UBR3: variants seen among roughly 807,000 people sequenced by gnomAD.
UBR3 encodes E3 ubiquitin-protein ligase UBR3.
Under a neutral mutation model 243.2 loss-of-function variants are expected in UBR3, and 85 were observed. The observed-to-expected ratio is 0.35, with a 90% CI of 0.29 to 0.42. UBR3 has a LOEUF of 0.42. Among genes scored for constraint, UBR3 ranks in the 10% least tolerant of loss-of-function variants. UBR3 has a pLI of 1.00. For missense variants in UBR3, 1,686 were observed against 2,300.8 expected, an observed-to-expected ratio of 0.73 and a Z score of 5.47; for synonymous variants, 748 against 799.8, an observed-to-expected ratio of 0.94 and a Z score of 1.09.
chr2:170,051,282 T>C (rs377309967), intron 32 of UBR3, among the ~76,000 whole-genome samples: 2 of 152,296 alleles, frequency 1.3e-5, no homozygotes, highest in East Asian at 3.9e-4. Flanking sequence ...TTTTCTACAA[T>C]GAAAAGCTAA....
At chr2:170,061,231 A>T (rs769018289) in intron 34 of UBR3, 45 bp downstream of exon 34, 1 of 1,581,270 alleles carries the variant, frequency 6.3e-7, no homozygotes. Context: ...TTAGTAAAAA[A>T]TTTACATTTT....
chr2:169,991,197 A>G (rs188911687), intron 25 of UBR3, among the ~76,000 whole-genome samples: 20 of 152,320 alleles, frequency 1.3e-4, no homozygotes, highest in Non-Finnish European at 2.1e-4. Flanking sequence ...AGAGCCCCCA[A>G]TGTAGGAAGC....
chr2:169,957,933 T>TA (rs1362295469), intron 23 of UBR3, among the ~76,000 whole-genome samples: 1 of 152,192 alleles, frequency 6.6e-6, no homozygotes, highest in Non-Finnish European at 1.5e-5. Context: ...CGGGGAAACT[T>TA]ACTGGCTTCT....
At chr2:169,919,507 C>T (rs13011234) in intron 11 of UBR3, among the ~76,000 whole-genome samples, 63,177 of 151,622 alleles carry the variant, frequency 0.42, 14,892 homozygotes, top group Non-Finnish European at 0.54. Context: ...GAAGAAACTA[C>T]GATCAGAGTG....
chr2:170,067,586 C>T (rs748643081), intron 35 of UBR3, among the ~76,000 whole-genome samples: 8 of 151,990 alleles, frequency 5.3e-5, no homozygotes, highest in Non-Finnish European at 1.2e-4. Flanking sequence ...GAATATCGTT[C>T]ATTAGAATAA....
rs770737924 is a variant in UBR3 at position 170,040,891 on chromosome 2, T to C, written c.4566T>C (p.Tyr1522=). The C allele has an allele frequency of 1.1e-5, 18 of 1,613,174 alleles. No homozygotes were observed. Among genetic ancestry groups the C allele is most frequent in the Non-Finnish European group, 1.4e-5 (17 of 1,179,512 alleles). Reference sequence around the variant, plus strand: ...TACATTTTTCTTTTAGGCTGGGATATGAAGAACAACAGCCTGAGGTTCCAA... The same window carrying C: ...TACATTTTTCTTTTAGGCTGGGATACGAAGAACAACAGCCTGAGGTTCCAA... ...QLEEMNPQLG[Y]EEQQPEVPIL... The change falls in exon 32 of 39, where the codon TAT becomes TAC. Residue 1522 remains tyrosine, a synonymous_variant. Coordinates refer to ENST00000272793, the MANE Select transcript of UBR3 (RefSeq NM_172070.4).
chr2:169,869,216 GTTTTTTTTTTTT>G (rs11344991), intron 1 of UBR3, among the ~76,000 whole-genome samples: 1 of 56,198 alleles, frequency 1.8e-5, no homozygotes, highest in South Asian at 9.3e-4. Context: ...GATTGATAAG[GTTTTTTTTTTTT>G]TTTTTTTTTT....
Position 170,020,696 on chromosome 2 carries a change from A to G in UBR3, c.4453+5330A>G, listed in dbSNP as rs547407697. On this transcript the variant is annotated intron_variant, in intron 30 of 38. Coordinates refer to ENST00000272793, the MANE Select transcript of UBR3 (RefSeq NM_172070.4). ...ATACTCTAGGAACTTTTAGAATTATACTTTATCTACAGTCATACACTGTAG... is the reference window on the plus strand; with the variant it reads ...ATACTCTAGGAACTTTTAGAATTATGCTTTATCTACAGTCATACACTGTAG... Among the ~76,000 whole-genome samples the G allele has an allele frequency of 3.9e-5, 6 of 152,322 alleles. No homozygotes were observed. In the South Asian group the frequency reaches 1.0e-3, roughly 26 times the overall value.
At chr2:170,015,447 A>G in intron 30 of UBR3, 81 bp downstream of exon 30, 1 of 1,156,568 alleles carries the variant, frequency 8.6e-7, no homozygotes, top group Non-Finnish European at 1.3e-6. Context: ...ATTTTGGTAT[A>G]TTTCAAATTT....
intron 5 of UBR3, among the ~76,000 whole-genome samples, chr2:169,890,563 A>ATATATATATGTGTGTGTG (rs1255881148): frequency 4.7e-4 from 39 of 83,864 alleles, no homozygotes; most frequent in Non-Finnish European, 6.4e-4. Flanking sequence ...ATATATATAT[A>ATATATATATGTGTGTGTG]TGTGTATATA....
intron 19 of UBR3, among the ~76,000 whole-genome samples, chr2:169,940,901 G>A (rs1408882265): frequency 6.6e-6 from 1 of 152,164 alleles, no homozygotes; most frequent in South Asian, 2.1e-4. Context: ...TAAGCAGGAT[G>A]ATGAATTCTT....
Position 170,073,479 on chromosome 2 carries a change from T to G in UBR3, c.5071T>G (p.Phe1691Val), listed in dbSNP as rs150176872. The change falls in exon 36 of 39, where the codon TTT becomes GTT. Residue 1691 changes from phenylalanine to valine, a missense_variant. Phe to Val is a conservative substitution (Grantham distance 50). This residue lies in a region of UBR3 where 371 missense variants were observed against 422.5 expected (regional missense o/e 0.88). Coordinates refer to ENST00000272793, the MANE Select transcript of UBR3 (RefSeq NM_172070.4). ...LASCLGLLPT[F>V]YQTEHPFISA... Reference sequence around the variant, plus strand: ...CAGCTGCCTGGGACTTCTGCCAACGTTTTACCAAACAGAACATCCATTCAT... The same window carrying G: ...CAGCTGCCTGGGACTTCTGCCAACGGTTTACCAAACAGAACATCCATTCAT... 6.8e-6 allele frequency: 11 copies of G among 1,613,660 alleles called. No homozygotes were observed. In the African/African-American group the frequency reaches 1.2e-4, roughly 18 times the overall value.
intron 11 of UBR3, among the ~76,000 whole-genome samples, chr2:169,919,845 C>T (rs1160049102): frequency 4.6e-5 from 7 of 152,124 alleles, no homozygotes; most frequent in Non-Finnish European, 1.0e-4. Flanking sequence ...AATAGGAACA[C>T]TTTTACACTG....
intron 24 of UBR3, among the ~76,000 whole-genome samples, chr2:169,980,738 G>A (rs890080226): frequency 3.3e-4 from 50 of 150,030 alleles, no homozygotes; most frequent in Non-Finnish European, 6.2e-4. Context: ...TTTAGCATTA[G>A]GTATATCTCC....
chr2:169,847,542 C>T (rs1369506791), intron 1 of UBR3, among the ~76,000 whole-genome samples: 1 of 152,096 alleles, frequency 6.6e-6, no homozygotes, highest in African/African-American at 2.4e-5. Context: ...TAATAAACCC[C>T]TGAATATAAT....
intron 31 of UBR3, among the ~76,000 whole-genome samples, chr2:170,035,203 T>C (rs1243986581): frequency 6.6e-6 from 1 of 152,066 alleles, no homozygotes; most frequent in Non-Finnish European, 1.5e-5. Flanking sequence ...CAGTTATTTA[T>C]TTCATGAATT....
chr2:169,971,208 G>A (rs1448214062), intron 24 of UBR3, among the ~76,000 whole-genome samples: 2 of 149,486 alleles, frequency 1.3e-5, no homozygotes, highest in Non-Finnish European at 3.0e-5. Context: ...TGAGTTCATG[G>A]TAGATTATGG....
At chr2:169,871,592 A>T (rs2083439951) in intron 1 of UBR3, among the ~76,000 whole-genome samples, 4 of 151,568 alleles carry the variant, frequency 2.6e-5, no homozygotes, top group Admixed American at 2.6e-4. Flanking sequence ...TACTAAAAAT[A>T]AAAAAAATTA....
At chr2:170,017,789 TA>T (rs2090289425) in intron 30 of UBR3, among the ~76,000 whole-genome samples, 2 of 152,184 alleles carry the variant, frequency 1.3e-5, no homozygotes, top group Admixed American at 1.3e-4. Context: ...TTTTCCATAG[TA>T]AAAAGTTACT....
Sources: allele counts gnomAD v4.1 joint callset (sites outside exome capture counted in the v4.1 genomes callset), GRCh38; gene constraint gnomAD v4.1.1; regional missense constraint gnomAD v4.1.1; transcripts MANE v1.5; gene names NCBI Gene and HGNC (gene_info 2026-07-23, HGNC 2026-07-21).